The following ADK variants were observed in gnomAD, a reference collection of about 807,000 sequenced individuals.
The protein encoded by ADK is adenosine kinase.
ADK carries 24 observed loss-of-function variants against 44.7 expected under a neutral mutation model. The observed-to-expected ratio is 0.54, with a 90% CI of 0.39 to 0.76. ADK has a LOEUF of 0.76. Among genes scored for constraint, ADK ranks in the 30% least tolerant of loss-of-function variants. The probability of loss-of-function intolerance (pLI) is 0.00; values close to 1 mark genes in which losing one functional copy is unlikely to be tolerated. For missense variants in ADK, 321 were observed against 425.1 expected, an observed-to-expected ratio of 0.76 and a Z score of 2.15; for synonymous variants, 128 against 142.6, an observed-to-expected ratio of 0.90 and a Z score of 0.73.
chr10:74,193,304 G>GT (rs1187011339), intron 1 of ADK, among the ~76,000 whole-genome samples: 5 of 151,586 alleles, frequency 3.3e-5, no homozygotes, highest in African/African-American at 1.2e-4. Context: ...CAACATGCAG[G>GT]TTTGTTACAT....
At chr10:74,610,275 A>G (rs998068815) in intron 9 of ADK, among the ~76,000 whole-genome samples, 3 of 152,216 alleles carry the variant, frequency 2.0e-5, no homozygotes, top group Non-Finnish European at 4.4e-5. Flanking sequence ...TACAACATGG[A>G]TGAACCTTGA....
intron 6 of ADK, among the ~76,000 whole-genome samples, chr10:74,482,601 A>C (rs1175813406): frequency 6.6e-6 from 1 of 152,176 alleles, no homozygotes; most frequent in Non-Finnish European, 1.5e-5. Context: ...TCTGAAGTCT[A>C]ATCAGAGACA....
chr10:74,280,998 G>A (rs771528777), intron 3 of ADK, among the ~76,000 whole-genome samples: 7 of 152,152 alleles, frequency 4.6e-5, no homozygotes, highest in African/African-American at 9.7e-5. Flanking sequence ...TTATATACAG[G>A]TTAAGTATCC....
intron 8 of ADK, among the ~76,000 whole-genome samples, chr10:74,593,970 G>A (rs367916564): frequency 4.6e-5 from 7 of 152,120 alleles, no homozygotes; most frequent in African/African-American, 1.7e-4. Context: ...TCCAGTAATG[G>A]TATTGCTGGG....
intron 4 of ADK, among the ~76,000 whole-genome samples, chr10:74,379,328 G>T (rs1842913555): frequency 6.6e-6 from 1 of 152,144 alleles, no homozygotes; most frequent in African/African-American, 2.4e-5. Flanking sequence ...TTGAGAACAG[G>T]CTTTTCAAAT....
chr10:74,537,926 T>G (rs371415647), intron 7 of ADK, among the ~76,000 whole-genome samples: 4 of 152,234 alleles, frequency 2.6e-5, no homozygotes, highest in African/African-American at 9.6e-5. Context: ...CCCCCTCATA[T>G]CTAGTATTTT....
chr10:74,214,161 C>A (rs1357588677), intron 2 of ADK, among the ~76,000 whole-genome samples: 2 of 152,016 alleles, frequency 1.3e-5, no homozygotes, highest in Non-Finnish European at 2.9e-5. Flanking sequence ...TTTATTCTAA[C>A]CCTGTGATTT....
chr10:74,657,020 T>C (rs557613562), intron 9 of ADK, among the ~76,000 whole-genome samples: 1 of 151,748 alleles, frequency 6.6e-6, no homozygotes, highest in Non-Finnish European at 1.5e-5. Context: ...CTACCATACC[T>C]AGCTAGTTTT....
chr10:74,347,442 G>A lies in ADK; in HGVS notation c.273+32697G>A, dbSNP rs968944096. Among the ~76,000 whole-genome samples, 10 of 152,110 alleles carry A rather than the reference G, an allele frequency of 6.6e-5. No individual in the cohort carries two copies. The South Asian group carries it at 1.0e-3, about 16-fold the overall frequency. On this transcript the variant is annotated intron_variant, in intron 4 of 10. Transcript: ENST00000539909. The stretch of plus-strand genomic sequence containing the variant: ...AATCCGCAGATCAGGAGATTCCGTC[G>A]TGTGCCTACACCACCAGGGCCTTGG...
intron 6 of ADK, among the ~76,000 whole-genome samples, chr10:74,518,679 TAA>T (rs1245826918): frequency 1.3e-5 from 2 of 152,196 alleles, no homozygotes; most frequent in African/African-American, 2.4e-5. Flanking sequence ...AAAAATTGTT[TAA>T]GAGATATGAG....
At chr10:74,344,071 G>A (rs1841677372) in intron 4 of ADK, among the ~76,000 whole-genome samples, 1 of 152,086 alleles carries the variant, frequency 6.6e-6, no homozygotes, top group Non-Finnish European at 1.5e-5. Context: ...AATGTTGCTG[G>A]ATTTGTTTTG....
intron 9 of ADK, among the ~76,000 whole-genome samples, chr10:74,638,157 A>C (rs945699726): frequency 6.6e-6 from 1 of 152,192 alleles, no homozygotes; most frequent in Non-Finnish European, 1.5e-5. Context: ...GTCCTGATGT[A>C]ATACACTTTA....
At chr10:74,219,134 CA>C (rs1161537526) in intron 2 of ADK, among the ~76,000 whole-genome samples, 1 of 152,088 alleles carries the variant, frequency 6.6e-6, no homozygotes, top group African/African-American at 2.4e-5. Context: ...ATCTCACATG[CA>C]GAGACACACA....
chr10:74,348,757 A>G (rs1212575967), intron 4 of ADK, among the ~76,000 whole-genome samples: 1 of 151,820 alleles, frequency 6.6e-6, no homozygotes, highest in African/African-American at 2.4e-5. Context: ...CGAGCACTTC[A>G]TGAAGCATAC....
chr10:74,259,456 CTTTT>C (rs66533506), intron 3 of ADK, among the ~76,000 whole-genome samples: 4 of 106,210 alleles, frequency 3.8e-5, no homozygotes, highest in Non-Finnish European at 3.8e-5. Context: ...TTTTCTTTTC[CTTTT>C]TTTTTTTTTT....
At chr10:74,396,675 C>T (rs1243919988) in intron 5 of ADK, among the ~76,000 whole-genome samples, 3 of 151,926 alleles carry the variant, frequency 2.0e-5, no homozygotes, top group South Asian at 2.1e-4. Flanking sequence ...TTTTTCTGGT[C>T]GGGCATGGCA....
At chr10:74,263,299 A>T (rs1387767594) in intron 3 of ADK, among the ~76,000 whole-genome samples, 1 of 152,198 alleles carries the variant, frequency 6.6e-6, no homozygotes, top group African/African-American at 2.4e-5. Context: ...TGGGTGTTTT[A>T]GGCCTTCACA....
intron 10 of ADK, among the ~76,000 whole-genome samples, chr10:74,703,174 AAAAT>A (rs1312212555): frequency 2.5e-4 from 38 of 152,166 alleles, no homozygotes; most frequent in African/African-American, 8.7e-4. Flanking sequence ...TAAAAATGGG[AAAAT>A]AAATAAGTAA....
At chr10:74,402,885 A>G (rs903185136) in intron 6 of ADK, among the ~76,000 whole-genome samples, 13 of 152,008 alleles carry the variant, frequency 8.6e-5, no homozygotes, top group African/African-American at 3.1e-4. Context: ...TTGTGGTTTT[A>G]TCTACTTTGG....
Sources: allele counts gnomAD v4.1 joint callset (sites outside exome capture counted in the v4.1 genomes callset), GRCh38; gene constraint gnomAD v4.1.1; transcripts MANE v1.5; gene names NCBI Gene and HGNC (gene_info 2026-07-23, HGNC 2026-07-21).